The following SEMA4C variants were observed in gnomAD, a reference collection of about 807,000 sequenced individuals.
SEMA4C encodes the protein semaphorin 4C, also known as semaphorin-4C.
In SEMA4C, 19 loss-of-function variants were observed where a neutral mutation model predicts 89.0. The ratio of observed to expected loss-of-function variants is 0.21; its 90% CI spans 0.15 to 0.31. The LOEUF is 0.31. SEMA4C is among the 10% of genes least tolerant of loss of function. SEMA4C has a pLI of 1.00. For missense variants in SEMA4C, 811 were observed against 1,107.0 expected (o/e 0.73, Z 3.79); for synonymous variants, 428 against 472.7 (o/e 0.91, Z 1.23).
At chr2:96,869,785 C>A (rs1193352577) in intron 1 of SEMA4C, 91 bp downstream of exon 1, 2 of 985,140 alleles carry the variant, frequency 2.0e-6, no homozygotes, top group South Asian at 4.7e-5. Flanking sequence ...CTGTCCCTCC[C>A]GCGTCCGGCA....
In SEMA4C at chr2:96,861,069, G is replaced by A. The variant is rs1257743202; in HGVS notation, c.2059C>T (p.Arg687Cys). ...TCCAGCTCTTCCCGCAGCCGCCGGCGCAATGACAGCACCAGCAGCAGCAGC... is the reference window on the plus strand; with the variant it reads ...TCCAGCTCTTCCCGCAGCCGCCGGCACAATGACAGCACCAGCAGCAGCAGC... ...LVLLLLVLSL[R>C]RRLREELEKG... Residue 687 changes from arginine (R) to cysteine (C), a missense_variant, in exon 15 of 15, where the codon CGC (arginine) becomes TGC (cysteine). Around this residue, in one of 4 missense-constraint regions of SEMA4C, gnomAD observed 248 missense variants for 269.0 expected, o/e 0.92. Transcript: ENST00000305476. The surrounding 1 kb of genome is among the most constrained non-coding windows in gnomAD (Gnocchi z 7.8). The A allele has an allele frequency of 5.6e-6, 9 of 1,612,552 alleles. No individual in the cohort carries two copies. The highest frequency in any genetic ancestry group is 2.7e-5 in the African/African-American group (2 of 74,866).
intron 2 of SEMA4C, chr2:96,866,679 C>G (rs1475912050): frequency 3.0e-6 from 2 of 657,796 alleles, no homozygotes; most frequent in Non-Finnish European, 5.6e-6. Flanking sequence ...TCAGCCACAG[C>G]TTCCGGCCAG....
chr2:96,863,312 A>T, intron 12 of SEMA4C: 1 of 1,038,914 alleles, frequency 9.6e-7, no homozygotes, highest in Non-Finnish European at 1.2e-6. Flanking sequence ...TGGTGAGGGC[A>T]TCATAAACAT....
At chr2:96,870,279 C>T, upstream of SEMA4C, 1 of 985,518 alleles carries the variant, frequency 1.0e-6, no homozygotes, top group African/African-American at 1.7e-5. Context: ...GGGTGTCCAG[C>T]AGCCCCGGGG....
At chr2:96,862,165 G>A (rs1019405922) in intron 12 of SEMA4C, 9 of 475,954 alleles carry the variant, frequency 1.9e-5, no homozygotes, top group Non-Finnish European at 3.0e-5. Flanking sequence ...GGGGCTGTGA[G>A]GCCAAAAAGT....
Position 96,859,911 on chromosome 2 carries a change from C to T in SEMA4C, c.*715G>A, listed in dbSNP as rs2079902422. On this transcript the variant is annotated 3_prime_UTR_variant, in exon 15 of 15. Transcript: ENST00000305476. ...TCTCCCTTCTCTCCCCTCACACAGCCTTTCCCAGCCCTGTACAGGAAGAAG... is the reference window on the plus strand; with the variant it reads ...TCTCCCTTCTCTCCCCTCACACAGCTTTTCCCAGCCCTGTACAGGAAGAAG... 6.6e-6 allele frequency: 1 copy of T among 152,276 alleles called. No individual in the cohort carries two copies. Among genetic ancestry groups the T allele is most frequent in the African/African-American group, 2.4e-5 (1 of 41,438 alleles). 9.4% of individuals were successfully genotyped at this position (152,276 alleles called of 1,614,324 possible). A position where few individuals can be genotyped will look rare whatever the true frequency, so the allele number is the denominator to read the frequency against.
Position 96,865,076 on chromosome 2 carries a change from A to G in SEMA4C, c.674T>C (p.Val225Ala), listed in dbSNP as rs1165813840. ...FVGSAYVPES[V>A]GSFTGDDDKV... Reference sequence around the variant, plus strand: ...GTCGTCGTCCCCCGTGAAGCTGCCCACACTCTCAGGTACATAGGCAGAGCC... The same window carrying G: ...GTCGTCGTCCCCCGTGAAGCTGCCCGCACTCTCAGGTACATAGGCAGAGCC... The change falls in exon 8 of 15, where the codon GTG becomes GCG. Residue 225 changes from valine to alanine, a missense_variant. This residue lies in a region of SEMA4C where 441 missense variants were observed against 664.9 expected (regional missense o/e 0.66). Coordinates refer to ENST00000305476, the MANE Select transcript of SEMA4C (RefSeq NM_017789.5). The G allele has an allele frequency of 1.9e-6, 3 of 1,561,774 alleles. No individual in the cohort carries two copies. The highest frequency in any genetic ancestry group is 3.9e-5 in the Admixed American group (2 of 51,720).
rs770717162 is a variant in SEMA4C at position 96,860,820 on chromosome 2, G to A, written c.2308C>T (p.Leu770=). 1.2e-6 allele frequency: 2 copies of A among 1,613,612 alleles called. No homozygotes were observed. The highest frequency in any genetic ancestry group is 1.7e-6 in the Non-Finnish European group (2 of 1,180,008). ...AGGTGAAGCCGAGTTGGAGAAGGCA[G>A]AGGCTGGCCTGGGATGCCTGGAGGT... ...SPPPGIPGQP[L]PSPTRLHLGG... The change falls in exon 15 of 15, where the codon CTG becomes TTG. Residue 770 remains leucine (L), a synonymous_variant. Transcript: ENST00000305476.
At position 96,861,879 on chromosome 2, in the gene SEMA4C, C is replaced by T. The variant is rs774137372; in HGVS notation, c.1459G>A (p.Gly487Ser). The stretch of plus-strand genomic sequence containing the variant: ...AGCTGCACCAGCTGAGAGCGGGAGC[C>T]GGCAAAGAGCAGCTTCTGCGAGAAA... ...LSQSKKLLFA[G>S]SRSQLVQLPV... Residue 487 changes from glycine (G) to serine (S), a missense_variant, in exon 13 of 15, where the codon GGC (glycine) becomes AGC (serine). Coordinates refer to ENST00000305476, the MANE Select transcript of SEMA4C (RefSeq NM_017789.5). This position sits in a 1 kb window ranked among gnomAD's most constrained non-coding sequence, Gnocchi z 7.8. 9.9e-6 allele frequency: 16 copies of T among 1,610,938 alleles called. No homozygotes were observed. Among genetic ancestry groups the T allele is most frequent in the Admixed American group, 1.7e-5 (1 of 59,728 alleles).
rs1335870386 is a variant in SEMA4C at position 96,867,845 on chromosome 2, C to G, written c.42G>C (p.Leu14=). ...CCTCAGCCCCAATGCCCAGGCCCCA[C>G]AGCCTTGCTGCCAGCAGCCAGACAG... is the stretch of plus-strand genomic sequence containing the variant. The part of the protein sequence containing the change: ...HWAVWLLAAR[L]WGLGIGAEVW... Residue 14 remains leucine, a synonymous_variant, in exon 2 of 15, where the codon CTG becomes CTC. Transcript: ENST00000305476. 6.2e-7 allele frequency: 1 copy of G among 1,613,686 alleles called. No homozygotes were observed. The highest frequency in any genetic ancestry group is 1.7e-5 in the Admixed American group (1 of 60,014).
Position 96,865,448 on chromosome 2 carries a change from A to G in SEMA4C, c.510T>C (p.Leu170=). Residue 170 remains leucine, a synonymous_variant, in exon 6 of 15, where the codon CTT becomes CTC. Coordinates refer to ENST00000305476, the MANE Select transcript of SEMA4C (RefSeq NM_017789.5). ...TGGGGGGCAGCCACTCACCCACAAGAAGGCCAGCATGGCCCTTAGCTGGGT... is the reference window on the plus strand; with the variant it reads ...TGGGGGGCAGCCACTCACCCACAAGGAGGCCAGCATGGCCCTTAGCTGGGT... ...PYDPAKGHAG[L]LVDGELYSAT... The G allele has an allele frequency of 1.2e-6, 2 of 1,613,930 alleles. No homozygotes were observed. Among genetic ancestry groups the G allele is most frequent in the Non-Finnish European group, 1.7e-6 (2 of 1,179,980 alleles).
intron 12 of SEMA4C, 114 bp from the exon 13 acceptor site, chr2:96,862,008 C>T (rs927621882): frequency 1.3e-5 from 15 of 1,156,132 alleles, no homozygotes; most frequent in Non-Finnish European, 1.8e-5. Flanking sequence ...GGGCACAGCA[C>T]GGGGCGCCAG....
At chr2:96,862,071 A>T (rs1047622156) in intron 12 of SEMA4C, 177 bp from the exon 13 acceptor site, 3 of 657,422 alleles carry the variant, frequency 4.6e-6, no homozygotes, top group Middle Eastern at 4.2e-4. Context: ...GGGAACTCTA[A>T]GAACCGCAGA....
rs141042420 is a variant in SEMA4C at position 96,863,981 on chromosome 2, G to A, written c.1275C>T (p.Ala425=). Residue 425 remains alanine (A), a synonymous_variant, in exon 11 of 15, where the codon GCC becomes GCT. Coordinates refer to ENST00000305476, the MANE Select transcript of SEMA4C (RefSeq NM_017789.5). The part of the protein sequence containing the change: ...KKGTNFTHLV[A]DRVTGLDGAT... ...CTCCATCAAGTCCTGTAACCCGGTC[G>A]GCCACCAGGTGGGTGAAGTTGGTGC... 592 of 1,613,452 alleles carry A rather than the reference G, an allele frequency of 3.7e-4. 1 individual carries two copies. The highest frequency in any genetic ancestry group is 4.7e-4 in the Non-Finnish European group (558 of 1,179,952).
rs1298232622 is a variant in SEMA4C at position 96,864,869 on chromosome 2, C to G, written c.798G>C (p.Gly266=). 1 of 1,612,920 alleles carries G rather than the reference C, an allele frequency of 6.2e-7. No individual in the cohort carries two copies. Among genetic ancestry groups the G allele is most frequent in the Non-Finnish European group, 8.5e-7 (1 of 1,179,622 alleles). The stretch of plus-strand genomic sequence containing the variant: ...ACTTCCTCTGCAGGGTCCGTGCGCC[C>G]CCCATATCGCCCTGGCAGACGGCAA... The part of the protein sequence containing the change: ...RVARVCKGDM[G]GARTLQRKWT... The change falls in exon 9 of 15, where the codon GGG becomes GGC. Residue 266 remains glycine, a synonymous_variant. Coordinates refer to ENST00000305476, the MANE Select transcript of SEMA4C (RefSeq NM_017789.5). The surrounding 1 kb of genome is among the most constrained non-coding windows in gnomAD (Gnocchi z 6.3).
rs760804558 is a variant in SEMA4C, at chr2:96,865,934, G to A, written c.259-5C>T. 2 of 1,613,868 alleles carry A rather than the reference G, an allele frequency of 1.2e-6. No homozygotes were observed. Among genetic ancestry groups the A allele is most frequent in the Admixed American group, 1.7e-5 (1 of 60,012 alleles). The stretch of plus-strand genomic sequence containing the variant: ...CACGGGGGCCTCCCAGGAGATCTGG[G>A]GAAAGGGAAGGGGATGTCAGCCACG... On this transcript the variant is annotated splice_polypyrimidine_tract_variant and splice_region_variant and intron_variant, in intron 3 of 14. Coordinates refer to ENST00000305476, the MANE Select transcript of SEMA4C (RefSeq NM_017789.5).
At position 96,860,475 on chromosome 2, in the gene SEMA4C, G is replaced by A. The variant is rs1255871087; in HGVS notation, c.*151C>T. ...CACCAAGTGGCAGTGCCCGTGCTGA[G>A]CAGAGCAGGTCCTCATGGCCGGGTG... On this transcript the variant is annotated 3_prime_UTR_variant, in exon 15 of 15. Coordinates refer to ENST00000305476, the MANE Select transcript of SEMA4C (RefSeq NM_017789.5). 4 of 676,946 alleles carry A rather than the reference G, an allele frequency of 5.9e-6. No individual in the cohort carries two copies. The highest frequency in any genetic ancestry group is 7.2e-6 in the Non-Finnish European group (3 of 416,150). The allele number at this position is 676,946 out of a possible 1,614,324, so 41.9% of individuals were successfully genotyped here. A position where few individuals can be genotyped will look rare whatever the true frequency, so the allele number is the denominator to read the frequency against.
Position 96,860,054 on chromosome 2 carries a change from AG to A in SEMA4C, c.*571del, listed in dbSNP as rs1429992254. 1.7e-5 allele frequency: 2 copies of A among 118,658 alleles called. No individual in the cohort carries two copies. Among genetic ancestry groups the A allele is most frequent in the African/African-American group, 6.5e-5 (2 of 30,986 alleles). 7.4% of individuals were successfully genotyped at this position (118,658 alleles called of 1,614,324 possible). A position where few individuals can be genotyped will look rare whatever the true frequency, so the allele number is the denominator to read the frequency against. The stretch of plus-strand genomic sequence containing the variant: ...CCACCCTGAAAACATTCACAGCCCT[AG>A]GAGCAGGACTAGGCCCACCCCAAGC... On this transcript the variant is annotated 3_prime_UTR_variant, in exon 15 of 15. Coordinates refer to ENST00000305476, the MANE Select transcript of SEMA4C (RefSeq NM_017789.5).
At chr2:96,866,032 C>A in intron 3 of SEMA4C, 103 bp from the exon 4 acceptor site, 2 of 1,258,998 alleles carry the variant, frequency 1.6e-6, no homozygotes, top group South Asian at 1.3e-5. Context: ...AGTGCAGAGG[C>A]ATGGTCCCTA....
Sources: allele counts gnomAD v4.1 joint callset, GRCh38; gene constraint gnomAD v4.1.1; regional missense constraint gnomAD v4.1.1; non-coding constraint Gnocchi (gnomAD v3.1); transcripts MANE v1.5; gene names NCBI Gene and HGNC (gene_info 2026-07-23, HGNC 2026-07-21).